NCS1: variants seen among roughly 807,000 people sequenced by gnomAD.
NCS1 encodes the protein frequenin homolog.
In NCS1, 6 loss-of-function variants were observed where a neutral mutation model predicts 28.4. The ratio of observed to expected loss-of-function variants is 0.21; its 90% confidence interval spans 0.12 to 0.42. The LOEUF is 0.42. NCS1 is among the 10% of genes least tolerant of loss of function. The pLI is 1.00. For missense variants in NCS1, 131 were observed against 241.4 expected, an observed-to-expected ratio of 0.54 and a Z score of 3.03; for synonymous variants, 86 against 99.3, an observed-to-expected ratio of 0.87 and a Z score of 0.79.
chr9:130,230,298 C>A (rs1204693554), intron 7 of NCS1, among the ~76,000 whole-genome samples: 1 of 152,098 alleles, frequency 6.6e-6, no homozygotes, highest in Non-Finnish European at 1.5e-5. Flanking sequence ...TTGCAGTGAG[C>A]CAAAACCACT....
rs558333274 is a variant in NCS1 at position 130,191,319 on chromosome 9, G to C, written c.65-9639G>C. On this transcript the variant is annotated intron_variant, in intron 1 of 7. Coordinates refer to ENST00000372398, the MANE Select transcript of NCS1 (RefSeq NM_014286.4). The surrounding 1 kb of genome is among the most constrained non-coding windows in gnomAD (Gnocchi z 6.4). Reference sequence around the variant, plus strand: ...GTGAAGAGCAGCTCCCGGGAGCTGGGGCTGAAGGTTACCTGGCCTGGCCCG... The same window carrying C: ...GTGAAGAGCAGCTCCCGGGAGCTGGCGCTGAAGGTTACCTGGCCTGGCCCG... 2.6e-4 allele frequency among the ~76,000 whole-genome samples: 39 copies of C among 152,220 alleles called. No individual in the cohort carries two copies. Among genetic ancestry groups the C allele is most frequent in the Non-Finnish European group, 3.8e-4 (26 of 67,986 alleles).
chr9:130,223,071 C>T lies in NCS1; in HGVS notation c.397-11C>T, dbSNP rs782104417. The T allele has an allele frequency of 6.5e-5, 105 of 1,612,120 alleles. No individual in the cohort carries two copies. In the South Asian group the frequency reaches 1.0e-3, roughly 15 times the overall value. ...TGCCAGGGCCCACCCCCGCCTTGTC[C>T]GTCCCTGCAGGGGAATACCGTGGAG... On this transcript the variant is annotated splice_polypyrimidine_tract_variant and intron_variant, in intron 5 of 7. Coordinates refer to ENST00000372398, the MANE Select transcript of NCS1 (RefSeq NM_014286.4).
chr9:130,227,280 T>C (rs1554911532), intron 7 of NCS1, among the ~76,000 whole-genome samples: 1 of 152,158 alleles, frequency 6.6e-6, no homozygotes, highest in African/African-American at 2.4e-5. Flanking sequence ...TCCCCTTTTT[T>C]CCTGCCTCTT....
In NCS1 at chr9:130,172,746, C is replaced by CTGGCGGCCCCCTCTCCGCAG; in HGVS notation, c.64+19_64+20insTGGCGGCCCCCTCTCCGCAG. 1 of 1,452,364 alleles carries CTGGCGGCCCCCTCTCCGCAG rather than the reference C, an allele frequency of 6.9e-7. No homozygotes were observed. Among genetic ancestry groups the CTGGCGGCCCCCTCTCCGCAG allele is most frequent in the South Asian group, 1.3e-5 (1 of 77,334 alleles). The allele number at this position is 1,452,364 out of a possible 1,614,324, so 90.0% of individuals were successfully genotyped here. On this transcript the variant is annotated intron_variant, in intron 1 of 7. Coordinates refer to ENST00000372398, the MANE Select transcript of NCS1 (RefSeq NM_014286.4). ...ACCTACTGTGAGTGCTCCCAGCCCC[C>CTGGCGGCCCCCTCTCCGCAG]AGCCCGCGCCCCGCGGTCACCCCCA...
At chr9:130,202,453 C>T (rs976359927) in intron 2 of NCS1, among the ~76,000 whole-genome samples, 6 of 151,210 alleles carry the variant, frequency 4.0e-5, no homozygotes, top group African/African-American at 1.5e-4. Context: ...CATTTTGTCC[C>T]TCTCTGCATC....
At chr9:130,176,173 TC>T (rs1554904617) in intron 1 of NCS1, among the ~76,000 whole-genome samples, 17,333 of 105,626 alleles carry the variant, frequency 0.16, 3,589 homozygotes, top group East Asian at 0.49. Context: ...TTTCTTTCTT[TC>T]TTTCTTTCTT....
rs781788403 is a variant in NCS1 at position 130,223,062 on chromosome 9, C to T, written c.397-20C>T. On this transcript the variant is annotated intron_variant, in intron 5 of 7. Coordinates refer to ENST00000372398, the MANE Select transcript of NCS1 (RefSeq NM_014286.4). ...AGCCCAGAGTGCCAGGGCCCACCCC[C>T]GCCTTGTCCGTCCCTGCAGGGGAAT... 2.4e-5 allele frequency: 38 copies of T among 1,608,822 alleles called. No individual in the cohort carries two copies. The highest frequency in any genetic ancestry group is 2.9e-5 in the Non-Finnish European group (34 of 1,175,702).
intron 1 of NCS1, among the ~76,000 whole-genome samples, chr9:130,183,307 G>GGC (rs1554905325): frequency 1.9e-4 from 22 of 116,972 alleles, no homozygotes; most frequent in Admixed American, 5.2e-4. Context: ...CCATGCGGCT[G>GGC]GGGGGGGGAG....
chr9:130,213,454 T>C (rs1191012106), intron 2 of NCS1, among the ~76,000 whole-genome samples: 1 of 151,390 alleles, frequency 6.6e-6, no homozygotes, highest in African/African-American at 2.4e-5. Flanking sequence ...AATTTTTTTG[T>C]ATTTTTAGTA....
chr9:130,220,925 C>T (rs1833274898), intron 4 of NCS1, among the ~76,000 whole-genome samples: 1 of 151,918 alleles, frequency 6.6e-6, no homozygotes, highest in Non-Finnish European at 1.5e-5. Flanking sequence ...GAGAGGGGTG[C>T]TCCTCTGGGT....
chr9:130,232,003 G>C lies in NCS1; in HGVS notation c.*18-987G>C, dbSNP rs183634508. On this transcript the variant is annotated intron_variant, in intron 7 of 7. Transcript: ENST00000372398. This position sits in a 1 kb window ranked among gnomAD's most constrained non-coding sequence, Gnocchi z 4.4. ...ACTCTGTCTCCCAGGCTGGAGTGCA[G>C]TGATGCAATCTCGGCTCACTGCAAC... Among the ~76,000 whole-genome samples the C allele has an allele frequency of 5.6e-4, 85 of 151,978 alleles. No individual in the cohort carries two copies. In the East Asian group the frequency reaches 0.013, roughly 23 times the overall value.
At position 130,191,795 on chromosome 9, in the gene NCS1, G is replaced by A. The variant is rs1312880706; in HGVS notation, c.65-9163G>A. Among the ~76,000 whole-genome samples, 2 of 152,236 alleles carry A rather than the reference G, an allele frequency of 1.3e-5. No homozygotes were observed. Among genetic ancestry groups the A allele is most frequent in the Admixed American group, 1.3e-4 (2 of 15,290 alleles). ...GGGCAGCCTGCTTGGAAGGGGCAGC[G>A]AGCAGAGCAGACGGGGCCCGCCCAC... On this transcript the variant is annotated intron_variant, in intron 1 of 7. Coordinates refer to ENST00000372398, the MANE Select transcript of NCS1 (RefSeq NM_014286.4). The surrounding 1 kb of genome is among the most constrained non-coding windows in gnomAD (Gnocchi z 6.4).
chr9:130,216,007 G>A (rs576795278), intron 2 of NCS1, among the ~76,000 whole-genome samples: 1 of 152,248 alleles, frequency 6.6e-6, no homozygotes, highest in East Asian at 1.9e-4. Flanking sequence ...AGGAGGCTGG[G>A]TGCCTGAGCT....
intron 1 of NCS1, among the ~76,000 whole-genome samples, chr9:130,196,814 C>T (rs139735710): frequency 1.3e-5 from 2 of 152,322 alleles, no homozygotes; most frequent in African/African-American, 4.8e-5. Flanking sequence ...ATGGCAGCAC[C>T]TAATTACCAG....
chr9:130,185,181 C>T (rs1240366518), intron 1 of NCS1, among the ~76,000 whole-genome samples: 5 of 152,188 alleles, frequency 3.3e-5, no homozygotes, highest in South Asian at 2.1e-4. Flanking sequence ...CTGGTGGTGA[C>T]GACATGTTTC....
chr9:130,201,859 C>T (rs575879331), intron 2 of NCS1, among the ~76,000 whole-genome samples: 2 of 152,308 alleles, frequency 1.3e-5, no homozygotes, highest in Admixed American at 6.5e-5. Context: ...CACTTCTGCA[C>T]TTCCCCAGGT....
intron 4 of NCS1, among the ~76,000 whole-genome samples, 165 bp from the exon 5 acceptor site, chr9:130,222,485 T>G (rs1554910706): frequency 6.6e-6 from 1 of 151,922 alleles, no homozygotes; most frequent in Non-Finnish European, 1.5e-5. Context: ...CAATGGTGTG[T>G]GTGTGTCTGT....
chr9:130,219,708 CCT>C lies in NCS1; in HGVS notation c.229-9_229-8del. On this transcript the variant is annotated splice_polypyrimidine_tract_variant and intron_variant, in intron 3 of 7. Coordinates refer to ENST00000372398, the MANE Select transcript of NCS1 (RefSeq NM_014286.4). The surrounding 1 kb of genome is among the most constrained non-coding windows in gnomAD (Gnocchi z 5.7). ...TGGCCGGCACTGACTGAGGCAATCC[CCT>C]CTCTCTCCTGTCAGGACGGGCGAAT... The C allele has an allele frequency of 6.2e-7, 1 of 1,613,762 alleles. No homozygotes were observed. Among genetic ancestry groups the C allele is most frequent in the Non-Finnish European group, 8.5e-7 (1 of 1,179,634 alleles).
intron 1 of NCS1, among the ~76,000 whole-genome samples, chr9:130,197,773 G>T (rs1432573584): frequency 6.6e-6 from 1 of 152,114 alleles, no homozygotes; most frequent in African/African-American, 2.4e-5. Flanking sequence ...GACCAGCCTG[G>T]CCAACATGTG....
Sources: allele counts gnomAD v4.1 joint callset (sites outside exome capture counted in the v4.1 genomes callset), GRCh38; gene constraint gnomAD v4.1.1; non-coding constraint Gnocchi (gnomAD v3.1); transcripts MANE v1.5; gene names NCBI Gene and HGNC (gene_info 2026-07-23, HGNC 2026-07-21).